The following MCF2L2 variants were observed in gnomAD, a reference collection of about 807,000 sequenced individuals.
The protein encoded by MCF2L2 is MCF.2 cell line derived transforming sequence-like 2.
MCF2L2 carries 102 observed loss-of-function variants against 150.2 expected under a neutral mutation model. That is an observed-to-expected ratio of 0.68 (90% CI 0.58 to 0.80). The LOEUF (loss-of-function observed/expected upper bound fraction) is 0.80, where lower values mean the gene tolerates loss of function less well. Among genes scored for constraint, MCF2L2 ranks in the 30% least tolerant of loss-of-function variants. The pLI, the probability that MCF2L2 is intolerant of heterozygous loss-of-function variation, is 0.00. For missense variants in MCF2L2, 1,256 were observed against 1,372.8 expected (o/e 0.91, Z 1.34); for synonymous variants, 465 against 491.3 (o/e 0.95, Z 0.71).
chr3:183,327,858 TAC>T (rs1730114676), intron 5 of MCF2L2, among the ~76,000 whole-genome samples: 1 of 152,228 alleles, frequency 6.6e-6, no homozygotes, highest in Non-Finnish European at 1.5e-5. Context: ...TGGTTCCTGG[TAC>T]AGAGTTCCTA....
At chr3:183,329,399 C>G (rs1010450582) in intron 5 of MCF2L2, among the ~76,000 whole-genome samples, 7 of 152,250 alleles carry the variant, frequency 4.6e-5, no homozygotes, top group Admixed American at 1.3e-4. Context: ...GTTGGCCAGG[C>G]TGGTCTCGAA....
intron 21 of MCF2L2, among the ~76,000 whole-genome samples, chr3:183,216,551 AT>A (rs1560347123): frequency 2.1e-4 from 9 of 42,208 alleles, no homozygotes; most frequent in South Asian, 1.1e-3. Context: ...AAGTATATAT[AT>A]TATATATATA....
At chr3:183,193,989 C>A (rs913993089) in intron 26 of MCF2L2, among the ~76,000 whole-genome samples, 10 of 152,116 alleles carry the variant, frequency 6.6e-5, no homozygotes, top group Admixed American at 6.6e-4. Context: ...GAAGCTAAAA[C>A]TAATAAGACA....
At chr3:183,323,021 C>T (rs1370108377) in intron 6 of MCF2L2, among the ~76,000 whole-genome samples, 1 of 152,160 alleles carries the variant, frequency 6.6e-6, no homozygotes, top group Non-Finnish European at 1.5e-5. Context: ...ACCCCCACAC[C>T]GGGAGATGCA....
In MCF2L2 at chr3:183,212,976, G is replaced by A. The variant is rs1470253651; in HGVS notation, c.2496+2993C>T. Among the ~76,000 whole-genome samples, 95 of 129,042 alleles carry A rather than the reference G, an allele frequency of 7.4e-4. 1 individual carries two copies. Among genetic ancestry groups the A allele is most frequent in the Admixed American group, 1.8e-3 (23 of 12,608 alleles). The allele number at this position is 129,042 out of a possible 152,430, so 84.7% of individuals were successfully genotyped here. ...GGGGGTGGGGGGGGTGGGGGGGTGG[G>A]GAATGAAGAAGATACTTTGCCTGGG... On this transcript the variant is annotated intron_variant, in intron 22 of 29. Coordinates refer to ENST00000328913, the MANE Select transcript of MCF2L2 (RefSeq NM_015078.4).
At chr3:183,376,116 G>A (rs1188618066) in intron 3 of MCF2L2, 1 of 152,218 alleles carries the variant, frequency 6.6e-6, no homozygotes, top group Admixed American at 6.5e-5. Context: ...TATTCCCTAG[G>A]TCACAAGAAA....
intron 1 of MCF2L2, among the ~76,000 whole-genome samples, chr3:183,418,211 C>A (rs911350366): frequency 2.0e-5 from 3 of 151,900 alleles, no homozygotes; most frequent in Non-Finnish European, 2.9e-5. Context: ...AATAAATAAA[C>A]CCATCAGATC....
intron 10 of MCF2L2, 130 bp downstream of exon 10, chr3:183,309,586 G>A (rs530149224): frequency 2.0e-5 from 23 of 1,133,318 alleles, no homozygotes; most frequent in Non-Finnish European, 2.6e-5. Flanking sequence ...TTGGGATCCT[G>A]GGGTGACTGA....
At chr3:183,364,954 CA>C (rs922721351) in intron 3 of MCF2L2, among the ~76,000 whole-genome samples, 11 of 152,146 alleles carry the variant, frequency 7.2e-5, no homozygotes, top group African/African-American at 2.2e-4. Context: ...CTCAATGCCA[CA>C]AAATTGTTTC....
At chr3:183,402,786 G>A (rs1714838130) in intron 1 of MCF2L2, among the ~76,000 whole-genome samples, 2 of 152,052 alleles carry the variant, frequency 1.3e-5, no homozygotes, top group Middle Eastern at 3.4e-3. Context: ...TATGTAAAGA[G>A]TGAGGCATTG....
At chr3:183,416,291 A>G (rs935284435) in intron 1 of MCF2L2, among the ~76,000 whole-genome samples, 1 of 152,196 alleles carries the variant, frequency 6.6e-6, no homozygotes, top group Non-Finnish European at 1.5e-5. Flanking sequence ...GAACAAGTAT[A>G]TATTTATAGA....
chr3:183,288,960 G>GA (rs1157340515), intron 14 of MCF2L2, among the ~76,000 whole-genome samples, 160 bp downstream of exon 14: 3 of 151,718 alleles, frequency 2.0e-5, no homozygotes, highest in Non-Finnish European at 4.4e-5. Flanking sequence ...AGGATGAAAA[G>GA]AAAAAAAATC....
At chr3:183,304,796 T>C (rs2108503116) in intron 10 of MCF2L2, among the ~76,000 whole-genome samples, 1 of 152,246 alleles carries the variant, frequency 6.6e-6, no homozygotes, top group South Asian at 2.1e-4. Flanking sequence ...TTTGACTCTT[T>C]GGTTCACTGC....
intron 12 of MCF2L2, chr3:183,296,250 ATAT>A (rs1728498007): frequency 6.6e-6 from 1 of 152,410 alleles, no homozygotes; most frequent in African/African-American, 2.4e-5. Flanking sequence ...TCATGGAAGA[ATAT>A]GCTTCTCAAA....
chr3:183,292,949 G>A (rs1392830129), intron 13 of MCF2L2, among the ~76,000 whole-genome samples: 5 of 152,126 alleles, frequency 3.3e-5, no homozygotes, highest in Non-Finnish European at 5.9e-5. Flanking sequence ...AGGAGGAAAA[G>A]AGGAATAAAA....
chr3:183,421,063 C>A (rs567332740), intron 1 of MCF2L2, among the ~76,000 whole-genome samples: 1 of 152,304 alleles, frequency 6.6e-6, no homozygotes, highest in East Asian at 1.9e-4. Context: ...ATTAAAGTTT[C>A]TTTGTATGTG....
chr3:183,204,250 C>A lies in MCF2L2; in HGVS notation c.2884+1626G>T, dbSNP rs750907033. Among the ~76,000 whole-genome samples the A allele has an allele frequency of 3.9e-4, 59 of 152,046 alleles. 1 individual carries two copies. The highest frequency in any genetic ancestry group is 7.5e-4 in the Non-Finnish European group (51 of 68,020). On this transcript the variant is annotated intron_variant, in intron 25 of 29. Coordinates refer to ENST00000328913, the MANE Select transcript of MCF2L2 (RefSeq NM_015078.4). ...TGCAAATAATATATCTGATAAAAGT[C>A]CAGTATCCAGAATATATAAATAACT...
intron 3 of MCF2L2, chr3:183,372,000 T>C (rs2108578244): frequency 6.7e-6 from 1 of 148,924 alleles, no homozygotes; most frequent in Admixed American, 6.6e-5. Flanking sequence ...GTATTTTTTA[T>C]CTTTAGGGAG....
rs1560340532 is a variant in MCF2L2 at position 183,206,144 on chromosome 3, C to T, written c.2783G>A (p.Gly928Glu). The change falls in exon 24 of 30, where the codon GGA becomes GAA. Residue 928 changes from glycine to glutamate, a missense_variant. Coordinates refer to ENST00000328913, the MANE Select transcript of MCF2L2 (RefSeq NM_015078.4). ...HRKFEIASRN[G>E]LEKYILQAAS... is the part of the protein sequence containing the mutation. ...TACCTGCAGGATGTATTTCTCAAGTCCATTTCGACTGGCAATCTCAAACTT... is the reference window on the plus strand; with the variant it reads ...TACCTGCAGGATGTATTTCTCAAGTTCATTTCGACTGGCAATCTCAAACTT... 6.2e-7 allele frequency: 1 copy of T among 1,614,120 alleles called. No homozygotes were observed. Among genetic ancestry groups the T allele is most frequent in the Non-Finnish European group, 8.5e-7 (1 of 1,180,012 alleles).
Sources: allele counts gnomAD v4.1 joint callset (sites outside exome capture counted in the v4.1 genomes callset), GRCh38; gene constraint gnomAD v4.1.1; transcripts MANE v1.5; gene names NCBI Gene and HGNC (gene_info 2026-07-23, HGNC 2026-07-21).